The following ASTN2 variants were observed in gnomAD, a reference collection of about 807,000 sequenced individuals.
ASTN2 encodes astrotactin-2.
In ASTN2, 54 loss-of-function variants were observed where a neutral mutation model predicts 139.8. The observed-to-expected ratio is 0.39, with a 90% CI of 0.31 to 0.48. The LOEUF (loss-of-function observed/expected upper bound fraction) is 0.48. Ranked by LOEUF, ASTN2 falls within the 20% of genes least tolerant of loss-of-function variation. The pLI, the probability that ASTN2 is intolerant of heterozygous loss-of-function variation, is 0.95. For missense variants in ASTN2, 1,565 were observed against 1,725.1 expected, an observed-to-expected ratio of 0.91 and a Z score of 1.64; for synonymous variants, 756 against 719.5, an observed-to-expected ratio of 1.05 and a Z score of -0.81.
chr9:116,780,817 G>C (rs1421735906), intron 13 of ASTN2, among the ~76,000 whole-genome samples: 1 of 150,944 alleles, frequency 6.6e-6, no homozygotes, highest in African/African-American at 2.4e-5. Context: ...ACATGAATGA[G>C]TGAATGAATG....
At chr9:116,853,489 C>G (rs1418975073) in intron 11 of ASTN2, among the ~76,000 whole-genome samples, 1 of 152,160 alleles carries the variant, frequency 6.6e-6, no homozygotes, top group Non-Finnish European at 1.5e-5. Context: ...GTCATGGCTT[C>G]TGACCTCCTC....
chr9:116,515,533 G>A (rs777872201), intron 19 of ASTN2, among the ~76,000 whole-genome samples: 1 of 152,186 alleles, frequency 6.6e-6, no homozygotes, highest in Non-Finnish European at 1.5e-5. Flanking sequence ...GCCAATAGAT[G>A]GTTGGAGGCA....
intron 10 of ASTN2, among the ~76,000 whole-genome samples, chr9:116,952,344 T>G (rs868817516): frequency 5.9e-5 from 9 of 152,190 alleles, no homozygotes; most frequent in African/African-American, 2.2e-4. Flanking sequence ...CCAGAGAGTA[T>G]AAGGCTGGCC....
At chr9:117,330,669 C>T (rs1828678104) in intron 1 of ASTN2, among the ~76,000 whole-genome samples, 1 of 152,176 alleles carries the variant, frequency 6.6e-6, no homozygotes, top group African/African-American at 2.4e-5. Context: ...GTAGCAGACA[C>T]AGCTCATCTT....
chr9:116,706,326 G>C (rs1462422702), intron 16 of ASTN2, among the ~76,000 whole-genome samples: 1 of 152,066 alleles, frequency 6.6e-6, no homozygotes, highest in Non-Finnish European at 1.5e-5. Context: ...TGTCTGACTG[G>C]CTGAGTTTTT....
chr9:117,396,270 C>G (rs1244543461), intron 1 of ASTN2, among the ~76,000 whole-genome samples: 1 of 152,180 alleles, frequency 6.6e-6, no homozygotes, highest in African/African-American at 2.4e-5. Flanking sequence ...CAAAAGCTTA[C>G]AGCTGGCCTT....
intron 10 of ASTN2, among the ~76,000 whole-genome samples, chr9:116,967,226 A>G (rs1412568797): frequency 6.6e-6 from 1 of 152,194 alleles, no homozygotes; most frequent in African/African-American, 2.4e-5. Flanking sequence ...TCTCAAAAAA[A>G]CATTCAAAGA....
intron 2 of ASTN2, among the ~76,000 whole-genome samples, chr9:117,230,421 C>G (rs1486335578): frequency 2.6e-5 from 4 of 152,166 alleles, no homozygotes; most frequent in Non-Finnish European, 5.9e-5. Flanking sequence ...CCCTGTGTCT[C>G]TCTCCATCTC....
At chr9:117,199,043 A>G (rs1246138942) in intron 3 of ASTN2, among the ~76,000 whole-genome samples, 1 of 152,164 alleles carries the variant, frequency 6.6e-6, no homozygotes, top group African/African-American at 2.4e-5. Flanking sequence ...CTTTTGTCAG[A>G]TGGGTAGATT....
intron 13 of ASTN2, among the ~76,000 whole-genome samples, chr9:116,763,077 G>A (rs1829715270): frequency 6.6e-6 from 1 of 152,140 alleles, no homozygotes; most frequent in African/African-American, 2.4e-5. Context: ...GCTCTCATAA[G>A]AGGCAAATTT....
At position 116,976,174 on chromosome 9, in the gene ASTN2, G is replaced by A. The variant is rs200363623; in HGVS notation, c.1691C>T (p.Thr564Met). 59 of 1,614,102 alleles carry A rather than the reference G, an allele frequency of 3.7e-5. No individual in the cohort carries two copies. The highest frequency in any genetic ancestry group is 1.5e-4 in the South Asian group (14 of 91,070). ...CAGATCATAGCCCCTCTCAAGTGTC[G>A]TGTAGGGCCAAGGTCTATGGGAAGA... Reference protein sequence around the residue: ...WGQSEGPWPYTTLERGYDLVT... With the variant: ...WGQSEGPWPYMTLERGYDLVT... The change falls in exon 9 of 23, where the codon ACG (threonine) becomes ATG (methionine). Residue 564 changes from threonine to methionine, a missense_variant. Around this residue, in one of 4 missense-constraint regions of ASTN2, gnomAD observed 503 missense variants for 591.7 expected, o/e 0.85. Coordinates refer to ENST00000313400, the MANE Select transcript of ASTN2 (RefSeq NM_001365068.1).
At chr9:117,098,387 T>TA (rs1828889275) in intron 4 of ASTN2, among the ~76,000 whole-genome samples, 1 of 152,190 alleles carries the variant, frequency 6.6e-6, no homozygotes, top group African/African-American at 2.4e-5. Context: ...TCTAGCCACT[T>TA]ATGATGCTGC....
chr9:116,427,914 G>T (rs1847360496), intron 22 of ASTN2, among the ~76,000 whole-genome samples: 1 of 152,170 alleles, frequency 6.6e-6, no homozygotes, highest in African/African-American at 2.4e-5. Context: ...ATAATTCTGT[G>T]TCCTGGGGAC....
chr9:116,718,970 C>CTG (rs763759739), intron 16 of ASTN2, among the ~76,000 whole-genome samples: 8 of 25,942 alleles, frequency 3.1e-4, no homozygotes, highest in Admixed American at 9.9e-4. Context: ...ATACCTGTAT[C>CTG]TGTACATATA....
chr9:116,738,108 C>T (rs1221685163), intron 13 of ASTN2, among the ~76,000 whole-genome samples: 1 of 148,972 alleles, frequency 6.7e-6, no homozygotes, highest in Non-Finnish European at 1.5e-5. Flanking sequence ...AGGAGAATGG[C>T]GTGAACCCGG....
intron 20 of ASTN2, among the ~76,000 whole-genome samples, chr9:116,473,888 C>G (rs545071324): frequency 8.7e-5 from 13 of 149,322 alleles, no homozygotes; most frequent in Admixed American, 4.0e-4. Flanking sequence ...GGCAACAGAG[C>G]AAGACTCTAT....
At chr9:117,238,839 A>C (rs1361090145) in intron 2 of ASTN2, among the ~76,000 whole-genome samples, 1 of 152,202 alleles carries the variant, frequency 6.6e-6, no homozygotes, top group Non-Finnish European at 1.5e-5. Context: ...CCCCAACAGT[A>C]ATTTTCTCCA....
intron 10 of ASTN2, among the ~76,000 whole-genome samples, chr9:116,936,560 G>A (rs891004845): frequency 9.2e-5 from 14 of 152,058 alleles, no homozygotes; most frequent in African/African-American, 3.1e-4. Flanking sequence ...CCATGCTCTT[G>A]GACACTTTAT....
At chr9:116,809,855 T>C in intron 12 of ASTN2, among the ~76,000 whole-genome samples, 1 of 152,214 alleles carries the variant, frequency 6.6e-6, no homozygotes, top group Non-Finnish European at 1.5e-5. Flanking sequence ...TGTCTAAGCC[T>C]GTCTTGCAGT....
Sources: gnomAD v4.1 joint callset for allele counts (sites outside exome capture counted in the v4.1 genomes callset) on GRCh38, gnomAD v4.1.1 for gene constraint, gnomAD v4.1.1 regional missense constraint, MANE v1.5 for transcripts, NCBI Gene and HGNC (gene_info 2026-07-23, HGNC 2026-07-21) for gene names.